The following CHCHD6 variants were observed in gnomAD, a reference collection of about 807,000 sequenced individuals.
CHCHD6 encodes the protein coiled-coil-helix-coiled-coil-helix domain containing 6, also known as MICOS complex subunit MIC25.
A neutral mutation model predicts 32.3 loss-of-function variants in CHCHD6; 28 were observed. That is an observed-to-expected ratio of 0.87 (90% CI 0.64 to 1.19). The LOEUF (loss-of-function observed/expected upper bound fraction) is 1.19, where lower values mean the gene tolerates loss of function less well. Ranked by LOEUF, CHCHD6 falls within the 50% of genes most tolerant of loss-of-function variation. CHCHD6 has a pLI of 0.00. For synonymous variants in CHCHD6, 122 were observed against 117.5 expected, an observed-to-expected ratio of 1.04 and a Z score of -0.25; for missense variants, 333 against 307.0, an observed-to-expected ratio of 1.08 and a Z score of -0.63.
At chr3:126,767,591 T>C (rs1937429382) in intron 4 of CHCHD6, 2 of 350,600 alleles carry the variant, frequency 5.7e-6, no homozygotes, top group Non-Finnish European at 5.2e-6. Context: ...TTTATTTCTA[T>C]TTATTTATTT....
chr3:126,865,766 A>G (rs1434621038), intron 5 of CHCHD6: 1 of 977,974 alleles, frequency 1.0e-6, no homozygotes, highest in Non-Finnish European at 1.2e-6. Context: ...GTGTTTCTTT[A>G]CCTCAGTCTC....
intron 4 of CHCHD6, among the ~76,000 whole-genome samples, chr3:126,740,916 C>G (rs1048376562): frequency 6.6e-6 from 1 of 152,164 alleles, no homozygotes; most frequent in African/African-American, 2.4e-5. Context: ...TTTATCTAAA[C>G]TGAGGGTGGA....
chr3:126,807,844 A>C (rs1939476349), intron 4 of CHCHD6, among the ~76,000 whole-genome samples: 1 of 152,176 alleles, frequency 6.6e-6, no homozygotes, highest in Non-Finnish European at 1.5e-5. Flanking sequence ...AAACTTTTTC[A>C]TAGTAGTCTT....
Position 126,763,318 on chromosome 3 carries a change from C to T in CHCHD6, c.411+30096C>T, listed in dbSNP as rs1203398405. Among the ~76,000 whole-genome samples, 18 of 124,646 alleles carry T rather than the reference C, an allele frequency of 1.4e-4. No homozygotes were observed. In the South Asian group the frequency reaches 2.2e-3, roughly 15 times the overall value. The allele number at this position is 124,646 out of a possible 152,430, so 81.8% of individuals were successfully genotyped here. The stretch of plus-strand genomic sequence containing the variant: ...TTTTTCCCCCTCTTCTCCCCTTTTT[C>T]CCCCTCTTCTCCCTCCCCCTCCTCT... On this transcript the variant is annotated intron_variant, in intron 4 of 7. Transcript: ENST00000290913.
chr3:126,826,687 ATATC>A (rs1365920142), intron 4 of CHCHD6, among the ~76,000 whole-genome samples: 3 of 152,142 alleles, frequency 2.0e-5, no homozygotes, highest in African/African-American at 7.2e-5. Flanking sequence ...TTATATATAT[ATATC>A]TAATAATAAA....
intron 2 of CHCHD6, 28 bp from the exon 3 acceptor site, chr3:126,730,533 C>A: frequency 1.2e-6 from 2 of 1,606,006 alleles, no homozygotes; most frequent in Non-Finnish European, 1.7e-6. Context: ...GTGCCACTGA[C>A]AGGCCCTTTC....
intron 6 of CHCHD6, 150 bp downstream of exon 6, chr3:126,914,900 G>A (rs910000684): frequency 4.6e-6 from 3 of 647,774 alleles, no homozygotes; most frequent in Non-Finnish European, 8.4e-6. Context: ...ACCTGGATCT[G>A]AGGTAGCCAT....
chr3:126,739,075 C>T (rs1228142954), intron 4 of CHCHD6, among the ~76,000 whole-genome samples: 1 of 152,178 alleles, frequency 6.6e-6, no homozygotes, highest in East Asian at 1.9e-4. Flanking sequence ...TATACCTCCT[C>T]CAGTGTGAGT....
At chr3:126,876,784 C>T (rs1052784208) in intron 5 of CHCHD6, among the ~76,000 whole-genome samples, 3 of 152,164 alleles carry the variant, frequency 2.0e-5, no homozygotes, top group Non-Finnish European at 4.4e-5. Context: ...TCCCTTTCCT[C>T]TTTTAGAGCA....
Position 126,934,536 on chromosome 3 carries a change from C to CTTTT in CHCHD6, c.566+19813_566+19816dup, listed in dbSNP as rs386397861. Reference sequence around the variant, plus strand: ...CTTGGAATGCACCCTCCCCTCTCTGCTTTTTTTTTTTTTTTTTTTTTTTTT... The same window carrying CTTTT: ...CTTGGAATGCACCCTCCCCTCTCTGCTTTTTTTTTTTTTTTTTTTTTTTTTTTTT... On this transcript the variant is annotated intron_variant, in intron 6 of 7. Transcript: ENST00000290913. 9.4e-4 allele frequency among the ~76,000 whole-genome samples: 55 copies of CTTTT among 58,244 alleles called. 9 individuals carry two copies. Among genetic ancestry groups the CTTTT allele is most frequent in the African/African-American group, 3.0e-3 (42 of 14,002 alleles). 38.2% of individuals were successfully genotyped at this position (58,244 alleles called of 152,430 possible).
intron 4 of CHCHD6, 28 bp from the exon 5 acceptor site, chr3:126,852,619 A>G (rs377099345): frequency 5.7e-6 from 9 of 1,581,998 alleles, no homozygotes; most frequent in Non-Finnish European, 7.8e-6. Flanking sequence ...GCTGCTGGCT[A>G]ACGTGGGCTT....
intron 4 of CHCHD6, among the ~76,000 whole-genome samples, chr3:126,795,599 G>A (rs1226904299): frequency 6.6e-6 from 1 of 152,118 alleles, no homozygotes; most frequent in Non-Finnish European, 1.5e-5. Context: ...AAGATTTTAT[G>A]TTTGGTTTGG....
chr3:126,866,123 T>C (rs953884835), intron 5 of CHCHD6, among the ~76,000 whole-genome samples: 20 of 152,166 alleles, frequency 1.3e-4, no homozygotes, highest in Admixed American at 3.3e-4. Flanking sequence ...CAGACTCTAC[T>C]TCTGTAAAAT....
intron 7 of CHCHD6, among the ~76,000 whole-genome samples, chr3:126,958,181 C>T (rs754596333): frequency 3.1e-4 from 47 of 151,716 alleles, no homozygotes; most frequent in Non-Finnish European, 5.6e-4. Flanking sequence ...CTGCTGCTCT[C>T]TATCCTAGAT....
intron 4 of CHCHD6, among the ~76,000 whole-genome samples, chr3:126,842,071 C>A (rs529374045): frequency 1.3e-5 from 2 of 152,120 alleles, no homozygotes; most frequent in Admixed American, 6.5e-5. Context: ...CAACAAAATG[C>A]GATCCCGTCT....
intron 5 of CHCHD6, among the ~76,000 whole-genome samples, chr3:126,903,660 C>T (rs1361671061): frequency 6.6e-6 from 1 of 152,206 alleles, no homozygotes; most frequent in Non-Finnish European, 1.5e-5. Context: ...GGCTGGCTGC[C>T]TAGCCTTTGT....
intron 6 of CHCHD6, among the ~76,000 whole-genome samples, chr3:126,932,919 C>T (rs1176694650): frequency 1.3e-5 from 2 of 152,062 alleles, no homozygotes; most frequent in Non-Finnish European, 2.9e-5. Context: ...CTAGGTTGCC[C>T]TATTTGAAGA....
chr3:126,919,250 T>C (rs1292241407), intron 6 of CHCHD6, among the ~76,000 whole-genome samples: 2 of 152,068 alleles, frequency 1.3e-5, no homozygotes, highest in Non-Finnish European at 2.9e-5. Flanking sequence ...TTTAATGATT[T>C]ACAGATTTAT....
intron 4 of CHCHD6, among the ~76,000 whole-genome samples, chr3:126,778,356 A>G (rs973393350): frequency 2.0e-5 from 3 of 152,218 alleles, no homozygotes; most frequent in Admixed American, 1.3e-4. Context: ...ACTGTTTTCC[A>G]AAGTGGCTGC....
Sources: gnomAD v4.1 joint callset for allele counts (sites outside exome capture counted in the v4.1 genomes callset) on GRCh38, gnomAD v4.1.1 for gene constraint, MANE v1.5 for transcripts, NCBI Gene and HGNC (gene_info 2026-07-23, HGNC 2026-07-21) for gene names.